The following TRPC6 variants were observed in gnomAD, a reference collection of about 807,000 sequenced individuals.
The protein encoded by TRPC6 is transient receptor potential cation channel subfamily C member 6.
In TRPC6, 55 loss-of-function variants were observed where a neutral mutation model predicts 90.7. That is an observed-to-expected ratio of 0.61 (90% confidence interval 0.49 to 0.76). The LOEUF (loss-of-function observed/expected upper bound fraction) is 0.76, where lower values mean the gene tolerates loss of function less well. Among genes scored for constraint, TRPC6 ranks in the 30% least tolerant of loss-of-function variants. The probability of loss-of-function intolerance (pLI) is 0.00; values close to 1 mark genes in which losing one functional copy is unlikely to be tolerated. For missense variants in TRPC6, 989 were observed against 1,122.7 expected (o/e 0.88, Z 1.70); for synonymous variants, 393 against 393.0 (o/e 1.00, Z 0.00).
intron 3 of TRPC6, among the ~76,000 whole-genome samples, chr11:101,490,590 A>G (rs539517294): frequency 3.3e-5 from 5 of 152,146 alleles, no homozygotes; most frequent in African/African-American, 1.2e-4. Context: ...CAAATAGCTG[A>G]GACTACAGGT....
chr11:101,459,172 C>T (rs1858948603), intron 10 of TRPC6, among the ~76,000 whole-genome samples: 1 of 152,102 alleles, frequency 6.6e-6, no homozygotes. Flanking sequence ...TTTAAGCCTC[C>T]AAGAATCAAA....
Position 101,583,880 on chromosome 11 carries a change from C to A in TRPC6, c.-377G>T. 5.2e-6 allele frequency: 1 copy of A among 192,312 alleles called. No individual in the cohort carries two copies. The allele number at this position is 192,312 out of a possible 1,614,324, so 11.9% of individuals were successfully genotyped here. A position where few individuals can be genotyped will look rare whatever the true frequency, so the allele number is the denominator to read the frequency against. On this transcript the variant is annotated 5_prime_UTR_variant, in exon 1 of 13. Coordinates refer to ENST00000344327, the MANE Select transcript of TRPC6 (RefSeq NM_004621.6). ...GAGTTACTATGTCAACAGAGACTCT[C>A]CAGCCCTCAGCTCCCGCCTTCATCC...
intron 2 of TRPC6, among the ~76,000 whole-genome samples, chr11:101,500,719 G>A (rs1860098217): frequency 6.6e-6 from 1 of 151,898 alleles, no homozygotes; most frequent in Admixed American, 6.6e-5. Context: ...CTATATAAAG[G>A]GATTTTAAGA....
At chr11:101,465,276 C>T (rs1442572375) in intron 10 of TRPC6, among the ~76,000 whole-genome samples, 1 of 152,044 alleles carries the variant, frequency 6.6e-6, no homozygotes. Context: ...TGGGGTTGCT[C>T]TTCTCAAGGA....
chr11:101,576,424 A>C (rs562368253), intron 1 of TRPC6, among the ~76,000 whole-genome samples: 1 of 152,318 alleles, frequency 6.6e-6, no homozygotes, highest in South Asian at 2.1e-4. Context: ...AGGTTGTTTG[A>C]GTATGTGTAA....
intron 2 of TRPC6, among the ~76,000 whole-genome samples, chr11:101,496,411 G>A (rs1859951137): frequency 6.6e-6 from 1 of 152,118 alleles, no homozygotes; most frequent in East Asian, 1.9e-4. Context: ...GGAGCTCTAT[G>A]GTGATGATTA....
chr11:101,481,322 T>C (rs1859544432), intron 5 of TRPC6, among the ~76,000 whole-genome samples: 1 of 152,172 alleles, frequency 6.6e-6, no homozygotes, highest in African/African-American at 2.4e-5. Flanking sequence ...TCTTTACATC[T>C]TGCATATGTT....
At chr11:101,567,025 C>A (rs1347250798) in intron 1 of TRPC6, among the ~76,000 whole-genome samples, 1 of 147,518 alleles carries the variant, frequency 6.8e-6, no homozygotes, top group East Asian at 2.1e-4. Context: ...GAGACAGAAC[C>A]ATTCACTCCC....
intron 10 of TRPC6, among the ~76,000 whole-genome samples, chr11:101,460,027 CTTA>C (rs1274281395): frequency 6.6e-6 from 1 of 152,152 alleles, no homozygotes; most frequent in African/African-American, 2.4e-5. Flanking sequence ...GAGATGTACA[CTTA>C]TTATAAGATC....
At chr11:101,475,295 T>G (rs1052676783) in intron 6 of TRPC6, among the ~76,000 whole-genome samples, 3 of 152,196 alleles carry the variant, frequency 2.0e-5, no homozygotes, top group Non-Finnish European at 4.4e-5. Flanking sequence ...GGCACTCAAA[T>G]GTGAACTTTA....
intron 1 of TRPC6, among the ~76,000 whole-genome samples, chr11:101,561,991 C>T (rs1472952008): frequency 1.3e-5 from 2 of 152,076 alleles, no homozygotes; most frequent in South Asian, 2.1e-4. Flanking sequence ...TTGCCTGGGG[C>T]ACAGCTCACA....
chr11:101,519,015 G>A (rs1860588577), intron 1 of TRPC6, among the ~76,000 whole-genome samples: 1 of 152,136 alleles, frequency 6.6e-6, no homozygotes, highest in African/African-American at 2.4e-5. Context: ...TGGACACAGA[G>A]AGTAGAAGAA....
chr11:101,453,696 A>ATATC lies in TRPC6; in HGVS notation c.2594_2597dup (p.Tyr866Ter). ...CCTTATCTATCTGGGCCTGCAGTAC[A>ATATC]TATCTTTTAATGAGCCTTTTCATTA... On this transcript the variant is annotated stop_gained and frameshift_variant, in exon 12 of 13. Transcript: ENST00000344327. LOFTEE classifies it high-confidence loss of function. 1 of 1,613,890 alleles carries ATATC rather than the reference A, an allele frequency of 6.2e-7. No individual in the cohort carries two copies. The highest frequency in any genetic ancestry group is 8.5e-7 in the Non-Finnish European group (1 of 1,179,830).
rs1403346674 is a variant in TRPC6, at chr11:101,583,849, G to A, written c.-346C>T. On this transcript the variant is annotated 5_prime_UTR_variant, in exon 1 of 13. Coordinates refer to ENST00000344327, the MANE Select transcript of TRPC6 (RefSeq NM_004621.6). ...AAGAGCGGAGAGCAAGGGAGACGGA[G>A]CTGAAGAGTTACTATGTCAACAGAG... 1.2e-5 allele frequency: 3 copies of A among 257,176 alleles called. No individual in the cohort carries two copies. Among genetic ancestry groups the A allele is most frequent in the African/African-American group, 6.6e-5 (3 of 45,170 alleles). 15.9% of individuals were successfully genotyped at this position (257,176 alleles called of 1,614,324 possible). A position where few individuals can be genotyped will look rare whatever the true frequency, so the allele number is the denominator to read the frequency against.
At chr11:101,464,292 G>A (rs1043417050) in intron 10 of TRPC6, among the ~76,000 whole-genome samples, 2 of 152,192 alleles carry the variant, frequency 1.3e-5, no homozygotes, top group African/African-American at 2.4e-5. Context: ...GGAGAGTTCT[G>A]TAGATGTCTA....
At chr11:101,456,225 G>A (rs1858880209) in intron 10 of TRPC6, among the ~76,000 whole-genome samples, 1 of 152,092 alleles carries the variant, frequency 6.6e-6, no homozygotes, top group African/African-American at 2.4e-5. Context: ...TTTGCCACAA[G>A]CTAGCCATGG....
At chr11:101,477,582 T>A (rs577549253) in intron 5 of TRPC6, among the ~76,000 whole-genome samples, 1 of 152,300 alleles carries the variant, frequency 6.6e-6, no homozygotes, top group Admixed American at 6.5e-5. Context: ...TAACGTAGTA[T>A]TTAGGAACAC....
intron 11 of TRPC6, among the ~76,000 whole-genome samples, chr11:101,454,484 A>G (rs1030373263): frequency 5.9e-5 from 9 of 152,040 alleles, no homozygotes; most frequent in African/African-American, 2.2e-4. Context: ...AGTAAATTAT[A>G]TATTTGTATG....
At chr11:101,530,627 A>C (rs1860889605) in intron 1 of TRPC6, among the ~76,000 whole-genome samples, 1 of 152,062 alleles carries the variant, frequency 6.6e-6, no homozygotes, top group Non-Finnish European at 1.5e-5. Context: ...TTTTCTGCAG[A>C]CCTTGAAGTG....
Sources: allele counts gnomAD v4.1 joint callset (sites outside exome capture counted in the v4.1 genomes callset), GRCh38; gene constraint gnomAD v4.1.1; transcripts MANE v1.5; gene names NCBI Gene and HGNC (gene_info 2026-07-23, HGNC 2026-07-21).